The following NR3C2 variants were observed in gnomAD, a reference collection of about 807,000 sequenced individuals.
NR3C2 encodes mineralocorticoid receptor.
Under a neutral mutation model 86.4 loss-of-function variants are expected in NR3C2, and 15 were observed. The observed-to-expected ratio is 0.17, with a 90% CI of 0.12 to 0.27. NR3C2 has a LOEUF of 0.27. Ranked by LOEUF, NR3C2 falls within the 10% of genes least tolerant of loss-of-function variation. The pLI is 1.00. For missense variants in NR3C2, 960 were observed against 1,195.6 expected (o/e 0.80, Z 2.91); for synonymous variants, 458 against 450.5 (o/e 1.02, Z -0.21).
At chr4:148,378,414 T>C (rs945766202) in intron 2 of NR3C2, among the ~76,000 whole-genome samples, 3 of 152,054 alleles carry the variant, frequency 2.0e-5, no homozygotes, top group East Asian at 3.9e-4. Flanking sequence ...CTGCACTGAA[T>C]TGGTTTGGAT....
At chr4:148,321,185 G>C (rs1340903801) in intron 2 of NR3C2, among the ~76,000 whole-genome samples, 1 of 127,226 alleles carries the variant, frequency 7.9e-6, no homozygotes, top group African/African-American at 2.6e-5. Flanking sequence ...TAGTTGAGCG[G>C]TTTTGAGTGA....
At chr4:148,380,300 A>G (rs1013979177) in intron 2 of NR3C2, among the ~76,000 whole-genome samples, 13 of 152,100 alleles carry the variant, frequency 8.5e-5, no homozygotes, top group Admixed American at 8.5e-4. Flanking sequence ...TACTTCATCC[A>G]CTTTTATGGT....
intron 6 of NR3C2, among the ~76,000 whole-genome samples, chr4:148,138,653 G>C (rs1733464531): frequency 6.6e-6 from 1 of 152,204 alleles, no homozygotes; most frequent in African/African-American, 2.4e-5. Flanking sequence ...TAAAGTTTTG[G>C]GATTACAGGT....
At chr4:148,341,592 TGGA>T (rs1744751949) in intron 2 of NR3C2, among the ~76,000 whole-genome samples, 1 of 152,092 alleles carries the variant, frequency 6.6e-6, no homozygotes, top group South Asian at 2.1e-4. Context: ...TCAAAATTGC[TGGA>T]GGAGAATTAG....
chr4:148,270,075 G>T (rs1000684762), intron 2 of NR3C2, among the ~76,000 whole-genome samples: 1 of 72,170 alleles, frequency 1.4e-5, no homozygotes, highest in African/African-American at 5.4e-5. Flanking sequence ...ACTGATTTCA[G>T]CATTTTTTTT....
intron 4 of NR3C2, among the ~76,000 whole-genome samples, chr4:148,173,646 T>C (rs1735236836): frequency 1.3e-5 from 2 of 152,248 alleles, no homozygotes; most frequent in African/African-American, 4.8e-5. Flanking sequence ...TAAACTTGTG[T>C]TGTTTTAAGC....
chr4:148,389,223 G>T (rs1186466420), intron 2 of NR3C2, among the ~76,000 whole-genome samples: 1 of 151,984 alleles, frequency 6.6e-6, no homozygotes, highest in African/African-American at 2.4e-5. Context: ...AGCCTGGTCA[G>T]GCCTTGCAGA....
At chr4:148,130,813 T>TG (rs1732996424) in intron 6 of NR3C2, among the ~76,000 whole-genome samples, 1 of 64,880 alleles carries the variant, frequency 1.5e-5, no homozygotes, top group Non-Finnish European at 3.6e-5. Context: ...TGTTTTGTTT[T>TG]GTTTTGTTTT....
At chr4:148,201,797 C>G (rs1736734098) in intron 3 of NR3C2, among the ~76,000 whole-genome samples, 1 of 152,126 alleles carries the variant, frequency 6.6e-6, no homozygotes, top group African/African-American at 2.4e-5. Context: ...TCCATATACC[C>G]CCTTCAACTC....
chr4:148,258,071 C>T (rs1739914695), intron 3 of NR3C2, among the ~76,000 whole-genome samples: 1 of 152,162 alleles, frequency 6.6e-6, no homozygotes, highest in Admixed American at 6.5e-5. Context: ...CCTTTTGCTT[C>T]AGAAGTAGAG....
At chr4:148,367,773 T>G (rs1003644177) in intron 2 of NR3C2, among the ~76,000 whole-genome samples, 2 of 151,962 alleles carry the variant, frequency 1.3e-5, no homozygotes, top group Non-Finnish European at 2.9e-5. Flanking sequence ...TAGAACAGTC[T>G]TTGAGGAAGA....
At chr4:148,395,413 C>T (rs1218606586) in intron 2 of NR3C2, among the ~76,000 whole-genome samples, 2 of 152,038 alleles carry the variant, frequency 1.3e-5, no homozygotes, top group African/African-American at 2.4e-5. Flanking sequence ...GTTAAAGTTC[C>T]CAATAAGGTG....
intron 3 of NR3C2, among the ~76,000 whole-genome samples, chr4:148,215,685 G>C (rs562557865): frequency 6.6e-6 from 1 of 152,180 alleles, no homozygotes; most frequent in South Asian, 2.1e-4. Context: ...ATTTGAGAAA[G>C]GTGACAATTA....
At chr4:148,100,700 C>T (rs1324801037) in intron 8 of NR3C2, among the ~76,000 whole-genome samples, 2 of 152,168 alleles carry the variant, frequency 1.3e-5, no homozygotes, top group Admixed American at 6.5e-5. Context: ...TATGATCCAG[C>T]AATCCAGTTT....
chr4:148,321,806 C>T (rs1743612333), intron 2 of NR3C2, among the ~76,000 whole-genome samples: 13 of 152,188 alleles, frequency 8.5e-5, no homozygotes, highest in Admixed American at 8.5e-4. Context: ...GAATACAGCA[C>T]ACTGTTGGGT....
chr4:148,100,599 A>G (rs1340351923), intron 8 of NR3C2, among the ~76,000 whole-genome samples: 1 of 152,254 alleles, frequency 6.6e-6, no homozygotes, highest in Non-Finnish European at 1.5e-5. Context: ...TGGAGAAATT[A>G]GAATCCTTGT....
At chr4:148,375,642 C>T (rs561591415) in intron 2 of NR3C2, among the ~76,000 whole-genome samples, 9 of 151,916 alleles carry the variant, frequency 5.9e-5, no homozygotes, top group African/African-American at 1.2e-4. Flanking sequence ...GTGTTTTGCT[C>T]GTCTATTTTA....
chr4:148,110,280 T>C (rs899697759), intron 8 of NR3C2, among the ~76,000 whole-genome samples: 2 of 152,168 alleles, frequency 1.3e-5, no homozygotes, highest in African/African-American at 4.8e-5. Flanking sequence ...CCAGCACATA[T>C]GTGTACCATG....
intron 2 of NR3C2, among the ~76,000 whole-genome samples, chr4:148,344,135 A>G (rs1278807918): frequency 6.6e-6 from 1 of 152,170 alleles, no homozygotes; most frequent in Non-Finnish European, 1.5e-5. Flanking sequence ...TAACTACAAC[A>G]AGGAAGAGAA....
Sources: allele counts gnomAD v4.1 joint callset (sites outside exome capture counted in the v4.1 genomes callset), GRCh38; gene constraint gnomAD v4.1.1; transcripts MANE v1.5; gene names NCBI Gene and HGNC (gene_info 2026-07-23, HGNC 2026-07-21).